TSNAX: variants seen among roughly 807,000 people sequenced by gnomAD.
TSNAX encodes translin-associated protein X.
Under a neutral mutation model 33.0 loss-of-function variants are expected in TSNAX, and 12 were observed. The ratio of observed to expected loss-of-function variants is 0.36; its 90% CI spans 0.23 to 0.59. TSNAX has a LOEUF of 0.59. Ranked by LOEUF, TSNAX falls within the 20% of genes least tolerant of loss-of-function variation. The pLI, the probability that TSNAX is intolerant of heterozygous loss-of-function variation, is 0.74. For missense variants in TSNAX, 267 were observed against 341.3 expected, an observed-to-expected ratio of 0.78 and a Z score of 1.72; for synonymous variants, 110 against 117.2, an observed-to-expected ratio of 0.94 and a Z score of 0.40.
intron 2 of TSNAX, 27 bp from the exon 3 acceptor site, chr1:231,537,186 A>G (rs745564553): frequency 6.6e-7 from 1 of 1,514,332 alleles, no homozygotes; most frequent in East Asian, 2.3e-5. Flanking sequence ...TAGAATATAC[A>G]TGCTTATGAT....
chr1:231,556,379 A>G (rs974499208), intron 4 of TSNAX, among the ~76,000 whole-genome samples: 13 of 152,252 alleles, frequency 8.5e-5, no homozygotes, highest in African/African-American at 2.4e-4. Flanking sequence ...AAGTACTTGA[A>G]TGAAACTAAA....
At chr1:231,531,146 C>T (rs1453432658) in intron 2 of TSNAX, among the ~76,000 whole-genome samples, 2 of 151,962 alleles carry the variant, frequency 1.3e-5, no homozygotes, top group Non-Finnish European at 2.9e-5. Flanking sequence ...TTTGTAGAGA[C>T]AGGGTTTCGC....
Position 231,528,711 on chromosome 1 carries a change from C to G in TSNAX, c.-100C>G, listed in dbSNP as rs983733444. 4 of 1,440,608 alleles carry G rather than the reference C, an allele frequency of 2.8e-6. No individual in the cohort carries two copies. In the African/African-American group the frequency reaches 5.6e-5, roughly 20 times the overall value. 89.2% of individuals were successfully genotyped at this position (1,440,608 alleles called of 1,614,324 possible). On this transcript the variant is annotated 5_prime_UTR_variant, in exon 1 of 6. Transcript: ENST00000366639. ...GTCGGCCCGGCTGCAAAGCGTTTTTCTGCAGGCTGTTTTCCCAGGTTCCCT... is the reference window on the plus strand; with the variant it reads ...GTCGGCCCGGCTGCAAAGCGTTTTTGTGCAGGCTGTTTTCCCAGGTTCCCT...
In TSNAX at chr1:231,542,553, G is replaced by C; in HGVS notation, c.309G>C (p.Gln103His). Residue 103 changes from glutamine (Q) to histidine (H), a missense_variant, in exon 4 of 6, where the codon CAG becomes CAC. Physicochemically the swap from Gln to His is conservative, Grantham distance 24. Transcript: ENST00000366639. ...ATGGTGTCAGACAAAAGATATTCCA[G>C]GTAGCCCAAGAGCTATCAGGGGAAG... ...KLDGVRQKIF[Q>H]VAQELSGEDM... 2.5e-6 allele frequency: 4 copies of C among 1,614,026 alleles called. No homozygotes were observed. The highest frequency in any genetic ancestry group is 3.4e-6 in the Non-Finnish European group (4 of 1,179,980).
intron 4 of TSNAX, among the ~76,000 whole-genome samples, chr1:231,559,818 CTTTT>C (rs529215479): frequency 1.4e-5 from 2 of 147,952 alleles, no homozygotes; most frequent in East Asian, 3.9e-4. Context: ...GCATAGCTCT[CTTTT>C]TTTTTTCTTA....
At chr1:231,545,460 G>A (rs532770851) in intron 4 of TSNAX, among the ~76,000 whole-genome samples, 1 of 152,120 alleles carries the variant, frequency 6.6e-6, no homozygotes, top group South Asian at 2.1e-4. Flanking sequence ...TATCAGAGTA[G>A]ATTACAGATT....
intron 5 of TSNAX, 139 bp downstream of exon 5, chr1:231,561,394 G>T: frequency 1.4e-6 from 1 of 699,180 alleles, no homozygotes; most frequent in Non-Finnish European, 2.2e-6. Context: ...TCTCAACTAG[G>T]AAATGGTCTT....
intron 4 of TSNAX, among the ~76,000 whole-genome samples, chr1:231,551,230 T>G (rs1354588922): frequency 1.3e-5 from 2 of 152,204 alleles, no homozygotes; most frequent in Non-Finnish European, 2.9e-5. Context: ...CCTTTGGTAT[T>G]AGGAAAGTCA....
At position 231,528,845 on chromosome 1, in the gene TSNAX, C is replaced by G; in HGVS notation, c.16+19C>G. 1.2e-5 allele frequency: 20 copies of G among 1,614,086 alleles called. No individual in the cohort carries two copies. Among genetic ancestry groups the G allele is most frequent in the Non-Finnish European group, 1.6e-5 (19 of 1,179,972 alleles). Reference sequence around the variant, plus strand: ...AAAGAAGGTGGCGTCCTTAACAACACGGGGCGTTATTTATCCGGAGGGGGA... The same window carrying G: ...AAAGAAGGTGGCGTCCTTAACAACAGGGGGCGTTATTTATCCGGAGGGGGA... On this transcript the variant is annotated intron_variant, in intron 1 of 5. Transcript: ENST00000366639.
At position 231,548,025 on chromosome 1, in the gene TSNAX, A is replaced by G. The variant is rs1213084601; in HGVS notation, c.367+5414A>G. On this transcript the variant is annotated intron_variant, in intron 4 of 5. Transcript: ENST00000366639. ...CCGGCTAATTTTTTGTATTTTTAGT[A>G]GAGACAGGGTTTCACCATGTTAGCC... Among the ~76,000 whole-genome samples, 3 of 151,600 alleles carry G rather than the reference A, an allele frequency of 2.0e-5. No individual in the cohort carries two copies. In the South Asian group the frequency reaches 6.3e-4, roughly 32 times the overall value.
chr1:231,557,277 C>T (rs1476849214), intron 4 of TSNAX, among the ~76,000 whole-genome samples: 1 of 152,060 alleles, frequency 6.6e-6, no homozygotes, highest in Non-Finnish European at 1.5e-5. Flanking sequence ...CTGATAGAGG[C>T]AGAGACTTAA....
chr1:231,559,432 C>T (rs919161870), intron 4 of TSNAX, among the ~76,000 whole-genome samples: 1 of 152,052 alleles, frequency 6.6e-6, no homozygotes, highest in African/African-American at 2.4e-5. Flanking sequence ...GGGTTCACGC[C>T]ATTCTCCTGC....
At chr1:231,552,644 T>C (rs984366702) in intron 4 of TSNAX, among the ~76,000 whole-genome samples, 1 of 152,252 alleles carries the variant, frequency 6.6e-6, no homozygotes, top group South Asian at 2.1e-4. Flanking sequence ...CATTTGTTTT[T>C]ACTGTTTCCA....
intron 2 of TSNAX, among the ~76,000 whole-genome samples, chr1:231,529,978 A>G (rs1465451202): frequency 6.6e-6 from 1 of 152,182 alleles, no homozygotes; most frequent in Non-Finnish European, 1.5e-5. Flanking sequence ...TCCTATTTGC[A>G]ATCACCTGAA....
At chr1:231,538,283 A>G (rs1268832867) in intron 3 of TSNAX, among the ~76,000 whole-genome samples, 2 of 152,264 alleles carry the variant, frequency 1.3e-5, no homozygotes, top group East Asian at 1.9e-4. Context: ...AATTATAAAA[A>G]AAGCCACTAT....
chr1:231,531,669 G>A (rs1159519911), intron 2 of TSNAX, among the ~76,000 whole-genome samples: 1 of 152,128 alleles, frequency 6.6e-6, no homozygotes, highest in Non-Finnish European at 1.5e-5. Context: ...ATCCATGTCA[G>A]CTACTAATTT....
chr1:231,537,214 A>G lies in TSNAX; in HGVS notation c.123A>G (p.Ser41=), dbSNP rs893818608. 3 of 1,606,874 alleles carry G rather than the reference A, an allele frequency of 1.9e-6. No individual in the cohort carries two copies. The highest frequency in any genetic ancestry group is 1.1e-5 in the South Asian group (1 of 90,326). Residue 41 remains serine, a splice_region_variant and synonymous_variant, in exon 3 of 6, where the codon TCA becomes TCG. Transcript: ENST00000366639. ...SSSPVMLAFK[S]FQQELDARHD... is the part of the protein sequence containing the mutation. The stretch of plus-strand genomic sequence containing the variant: ...CTTATGATCATAATGTGTTTTTAGC[A>G]TTTCAGCAGGAACTTGATGCAAGGC...
At chr1:231,548,346 A>C (rs7528418) in intron 4 of TSNAX, among the ~76,000 whole-genome samples, 1,985 of 152,314 alleles carry the variant, frequency 0.013, 35 homozygotes, top group African/African-American at 0.045. Flanking sequence ...AAATGAGTAA[A>C]CTTAACTCAG....
Position 231,529,248 on chromosome 1 carries a change from A to ATAT in TSNAX, c.17-6_17-4dup. 6.2e-7 allele frequency: 1 copy of ATAT among 1,611,846 alleles called. No individual in the cohort carries two copies. On this transcript the variant is annotated splice_region_variant and splice_polypyrimidine_tract_variant and intron_variant, in intron 1 of 5. Coordinates refer to ENST00000366639, the MANE Select transcript of TSNAX (RefSeq NM_005999.3). ...AGATCCCTCTCTTTTTTTCTTCTCT[A>ATAT]TATAAGGATCAGGAGGGTTCAGGAA...
Sources: gnomAD v4.1 joint callset for allele counts (sites outside exome capture counted in the v4.1 genomes callset) on GRCh38, gnomAD v4.1.1 for gene constraint, MANE v1.5 for transcripts, NCBI Gene and HGNC (gene_info 2026-07-23, HGNC 2026-07-21) for gene names.